Variants in SENP5 observed in about 807,000 individuals in gnomAD.
SENP5 encodes the protein sentrin-specific protease 5.
SENP5 carries 21 observed loss-of-function variants against 74.2 expected under a neutral mutation model. The ratio of observed to expected loss-of-function variants is 0.28; its 90% CI spans 0.20 to 0.41. The LOEUF is 0.41. Among genes scored for constraint, SENP5 ranks in the 10% least tolerant of loss-of-function variants. The probability of loss-of-function intolerance (pLI) is 1.00; values close to 1 mark genes in which losing one functional copy is unlikely to be tolerated. For missense variants in SENP5, 717 were observed against 889.1 expected, an observed-to-expected ratio of 0.81 and a Z score of 2.46; for synonymous variants, 311 against 312.7, an observed-to-expected ratio of 0.99 and a Z score of 0.06.
chr3:196,891,199 TATAAC>T (rs1714185334), intron 2 of SENP5, among the ~76,000 whole-genome samples: 1 of 152,220 alleles, frequency 6.6e-6, no homozygotes. Context: ...CAAAAGGCCT[TATAAC>T]ATATGATTTC....
At chr3:196,917,920 C>T (rs765462313) in intron 6 of SENP5, among the ~76,000 whole-genome samples, 1 of 152,132 alleles carries the variant, frequency 6.6e-6, no homozygotes, top group Admixed American at 6.6e-5. Context: ...GCTTGACACA[C>T]TAATTGCCGT....
chr3:196,876,786 G>A (rs1713495991), intron 1 of SENP5, among the ~76,000 whole-genome samples: 1 of 151,624 alleles, frequency 6.6e-6, no homozygotes, highest in African/African-American at 2.4e-5. Context: ...GGAGGCTGAG[G>A]GAGGATTGCT....
chr3:196,892,015 C>T (rs1321212272), intron 2 of SENP5, among the ~76,000 whole-genome samples: 1 of 151,932 alleles, frequency 6.6e-6, no homozygotes, highest in Non-Finnish European at 1.5e-5. Flanking sequence ...TGGTCTCAAT[C>T]TCCTGACCTC....
chr3:196,897,969 C>G (rs111453741), intron 2 of SENP5, among the ~76,000 whole-genome samples: 1 of 151,056 alleles, frequency 6.6e-6, no homozygotes, highest in Non-Finnish European at 1.5e-5. Flanking sequence ...GTCAGGAGTT[C>G]GAGACCAGCC....
chr3:196,885,617 A>G lies in SENP5; in HGVS notation c.436A>G (p.Asn146Asp). The change falls in exon 2 of 10, where the codon AAT becomes GAT. Residue 146 changes from asparagine (N) to aspartate (D), a missense_variant. Asn to Asp is a conservative substitution (Grantham distance 23, BLOSUM62 1). Coordinates refer to ENST00000323460, the MANE Select transcript of SENP5 (RefSeq NM_152699.5). ...LLKAVTDFPS[N>D]SALGQANGHR... ...GAAGGCAGTTACTGACTTTCCATCA[A>G]ATAGTGCTTTAGGTCAGGCCAATGG... 6.2e-7 allele frequency: 1 copy of G among 1,614,188 alleles called. No individual in the cohort carries two copies. The highest frequency in any genetic ancestry group is 8.5e-7 in the Non-Finnish European group (1 of 1,180,034).
At chr3:196,902,129 C>T (rs1253186982) in intron 5 of SENP5, among the ~76,000 whole-genome samples, 1 of 152,146 alleles carries the variant, frequency 6.6e-6, no homozygotes, top group African/African-American at 2.4e-5. Flanking sequence ...AAAACATAAC[C>T]TTCTTTTTAG....
intron 6 of SENP5, among the ~76,000 whole-genome samples, chr3:196,905,655 G>A (rs766239885): frequency 9.9e-5 from 15 of 152,110 alleles, no homozygotes; most frequent in Non-Finnish European, 2.1e-4. Context: ...GTGGGCACAG[G>A]GATTCTCTAG....
chr3:196,904,218 TG>T (rs1318502256), intron 6 of SENP5, among the ~76,000 whole-genome samples: 1 of 152,168 alleles, frequency 6.6e-6, no homozygotes, highest in Non-Finnish European at 1.5e-5. Context: ...ACAAGGTAAC[TG>T]GGATAGGGTA....
intron 1 of SENP5, among the ~76,000 whole-genome samples, chr3:196,881,642 A>G (rs142634765): frequency 8.5e-5 from 13 of 152,188 alleles, no homozygotes; most frequent in African/African-American, 3.1e-4. Context: ...TAAGAGGTCT[A>G]TATATTAGGG....
chr3:196,912,952 AT>A, intron 6 of SENP5: 1 of 152,366 alleles, frequency 6.6e-6, no homozygotes, highest in South Asian at 2.1e-4. Flanking sequence ...TATTAATCAT[AT>A]TAATAGCAGT....
intron 8 of SENP5, among the ~76,000 whole-genome samples, chr3:196,928,764 C>T (rs1715911006): frequency 6.6e-6 from 1 of 152,170 alleles, no homozygotes; most frequent in Non-Finnish European, 1.5e-5. Flanking sequence ...TTTGAATAAC[C>T]TAGTATACCA....
intron 1 of SENP5, among the ~76,000 whole-genome samples, chr3:196,881,125 C>A (rs1015653480): frequency 6.6e-6 from 1 of 151,734 alleles, no homozygotes; most frequent in Admixed American, 6.6e-5. Context: ...TTTTATATTT[C>A]TTTGTAGAGA....
At chr3:196,888,515 C>T (rs536886903) in intron 2 of SENP5, among the ~76,000 whole-genome samples, 5 of 151,290 alleles carry the variant, frequency 3.3e-5, no homozygotes, top group South Asian at 2.1e-4. Context: ...ACCTGGGAGG[C>T]GGAGGTTGCA....
intron 1 of SENP5, among the ~76,000 whole-genome samples, chr3:196,875,466 C>T (rs538655606): frequency 4.9e-4 from 75 of 152,174 alleles, no homozygotes; most frequent in African/African-American, 1.7e-3. Flanking sequence ...GGCTTCACAC[C>T]AACCTTATGT....
At chr3:196,925,208 TTTAA>T (rs1351739361) in intron 7 of SENP5, among the ~76,000 whole-genome samples, 7 of 152,122 alleles carry the variant, frequency 4.6e-5, no homozygotes, top group African/African-American at 9.7e-5. Context: ...GTATTATTTG[TTTAA>T]TTAACATTTA....
intron 1 of SENP5, among the ~76,000 whole-genome samples, chr3:196,870,348 T>C (rs1282447991): frequency 1.3e-5 from 2 of 152,038 alleles, no homozygotes; most frequent in Non-Finnish European, 2.9e-5. Flanking sequence ...CGTTGAACTT[T>C]CTCTTTTAGG....
intron 6 of SENP5, among the ~76,000 whole-genome samples, chr3:196,921,070 T>G (rs1196640591): frequency 6.6e-6 from 1 of 152,192 alleles, no homozygotes; most frequent in Non-Finnish European, 1.5e-5. Context: ...TATCCCTTAT[T>G]CAAAATGCTT....
intron 1 of SENP5, among the ~76,000 whole-genome samples, chr3:196,871,570 T>C (rs1368191359): frequency 6.6e-6 from 1 of 151,898 alleles, no homozygotes. Context: ...TGTAAAGATA[T>C]AATTTACGGC....
chr3:196,906,885 C>A (rs1714924774), intron 6 of SENP5, among the ~76,000 whole-genome samples: 1 of 152,090 alleles, frequency 6.6e-6, no homozygotes. Context: ...TTGATGTGGG[C>A]AGAACAGGAG....
Sources: gnomAD v4.1 joint callset for allele counts (sites outside exome capture counted in the v4.1 genomes callset) on GRCh38, gnomAD v4.1.1 for gene constraint, MANE v1.5 for transcripts, NCBI Gene and HGNC (gene_info 2026-07-23, HGNC 2026-07-21) for gene names.